The following TFDP2 variants were observed in gnomAD, a reference collection of about 807,000 sequenced individuals.
TFDP2 encodes transcription factor Dp-2, also known as transcription factor Dp-2 (E2F dimerization partner 2).
Under a neutral mutation model 59.3 loss-of-function variants are expected in TFDP2, and 17 were observed. That is an observed-to-expected ratio of 0.29 (90% CI 0.20 to 0.43). The LOEUF is 0.43. TFDP2 is among the 20% of genes least tolerant of loss of function. TFDP2 has a pLI of 1.00. For synonymous variants in TFDP2, 180 were observed against 194.7 expected, an observed-to-expected ratio of 0.92 and a Z score of 0.63; for missense variants, 391 against 528.8, an observed-to-expected ratio of 0.74 and a Z score of 2.56.
intron 3 of TFDP2, among the ~76,000 whole-genome samples, chr3:142,052,239 G>A (rs1947665986): frequency 1.3e-5 from 2 of 152,034 alleles, no homozygotes; most frequent in African/African-American, 2.4e-5. Context: ...GAAAATGTAC[G>A]AGAAAACCTT....
intron 3 of TFDP2, among the ~76,000 whole-genome samples, chr3:142,042,655 T>TTTA (rs1947059680): frequency 1.4e-5 from 2 of 147,112 alleles, no homozygotes; most frequent in African/African-American, 5.0e-5. Context: ...TTTTTTACCA[T>TTTA]TTATTAGTGC....
intron 1 of TFDP2, among the ~76,000 whole-genome samples, chr3:142,127,277 A>G (rs1295992625): frequency 1.3e-5 from 2 of 148,464 alleles, no homozygotes; most frequent in Non-Finnish European, 3.0e-5. Context: ...CTAGGACTAC[A>G]GACAGACATG....
chr3:142,140,123 T>C (rs1311440987), intron 1 of TFDP2, among the ~76,000 whole-genome samples: 2 of 152,186 alleles, frequency 1.3e-5, no homozygotes, highest in Non-Finnish European at 2.9e-5. Flanking sequence ...ATTTGATCTT[T>C]AATCACTGAT....
chr3:142,006,889 G>T, intron 3 of TFDP2, among the ~76,000 whole-genome samples: 1 of 151,980 alleles, frequency 6.6e-6, no homozygotes, highest in East Asian at 1.9e-4. Context: ...TGGTTCTCTC[G>T]TCTCAGCCTC....
At chr3:141,959,052 A>T (rs1937043405) in intron 11 of TFDP2, among the ~76,000 whole-genome samples, 1 of 149,144 alleles carries the variant, frequency 6.7e-6, no homozygotes. Context: ...TCCCAGGTTC[A>T]AGTGATTCTC....
At chr3:142,052,304 A>G (rs1247316248) in intron 3 of TFDP2, among the ~76,000 whole-genome samples, 3 of 152,094 alleles carry the variant, frequency 2.0e-5, no homozygotes, top group Non-Finnish European at 4.4e-5. Flanking sequence ...TTGGGAGGCC[A>G]AGGCGGGCAG....
intron 3 of TFDP2, among the ~76,000 whole-genome samples, chr3:142,053,956 T>C (rs2059654140): frequency 6.6e-6 from 1 of 152,164 alleles, no homozygotes; most frequent in African/African-American, 2.4e-5. Context: ...CTCACTTGAA[T>C]CACTAAAATA....
intron 3 of TFDP2, among the ~76,000 whole-genome samples, chr3:142,073,617 T>C (rs1393918785): frequency 6.6e-6 from 1 of 152,106 alleles, no homozygotes; most frequent in Non-Finnish European, 1.5e-5. Context: ...AGTCTGATTA[T>C]AAGAGGAAGA....
At chr3:142,004,865 A>C (rs1944091471) in intron 4 of TFDP2, among the ~76,000 whole-genome samples, 1 of 152,234 alleles carries the variant, frequency 6.6e-6, no homozygotes, top group Non-Finnish European at 1.5e-5. Flanking sequence ...ACAATACAAG[A>C]GAAACCTCAC....
chr3:142,076,516 T>G (rs2060463334), intron 3 of TFDP2, among the ~76,000 whole-genome samples: 1 of 151,788 alleles, frequency 6.6e-6, no homozygotes, highest in South Asian at 2.1e-4. Context: ...TAAGGCAAGA[T>G]GAAAAAAAAT....
intron 1 of TFDP2, among the ~76,000 whole-genome samples, chr3:142,102,473 C>T (rs1260878708): frequency 2.6e-5 from 4 of 152,060 alleles, no homozygotes; most frequent in East Asian, 1.9e-4. Context: ...TGCAGTAGAA[C>T]GCCAACTAAT....
At position 141,945,988 on chromosome 3, in the gene TFDP2, A is replaced by G. The variant is rs1935208200; in HGVS notation, c.*6525T>C. 6.6e-6 allele frequency: 1 copy of G among 152,002 alleles called. No individual in the cohort carries two copies. The highest frequency in any genetic ancestry group is 2.4e-5 in the African/African-American group (1 of 41,388). The allele number at this position is 152,002 out of a possible 1,614,324, so 9.4% of individuals were successfully genotyped here. A position where few individuals can be genotyped will look rare whatever the true frequency, so the allele number is the denominator to read the frequency against. ...GTTTTCTGACTTGAGAGAGGCCTAA[A>G]CCTGACACCACAGCCTCATGCTGGG... is the stretch of plus-strand genomic sequence containing the variant. On this transcript the variant is annotated 3_prime_UTR_variant, in exon 13 of 13. Transcript: ENST00000489671.
chr3:142,037,720 T>C (rs1376834865), intron 3 of TFDP2, among the ~76,000 whole-genome samples: 1 of 152,178 alleles, frequency 6.6e-6, no homozygotes, highest in East Asian at 1.9e-4. Context: ...GGGACTACAG[T>C]AAAAAACATG....
At chr3:142,088,613 CT>C (rs112767886) in intron 3 of TFDP2, among the ~76,000 whole-genome samples, 41,717 of 123,646 alleles carry the variant, frequency 0.34, 6,542 homozygotes, top group African/African-American at 0.53. Flanking sequence ...TTTTTTTTTT[CT>C]TTTTTTTTTT....
Position 142,046,643 on chromosome 3 carries a change from A to G in TFDP2, c.83-41099T>C, listed in dbSNP as rs539160473. 1.3e-3 allele frequency among the ~76,000 whole-genome samples: 204 copies of G among 152,254 alleles called. 1 individual carries two copies. The highest frequency in any genetic ancestry group is 4.5e-3 in the African/African-American group (185 of 41,554). On this transcript the variant is annotated intron_variant, in intron 3 of 12. Transcript: ENST00000489671. ...GTTGGTAAAGATCCTACTTCCTTAA[A>G]TTTGTAGGTATGAAGTAGAGAAGGG...
chr3:142,123,154 G>A lies in TFDP2; in HGVS notation c.-92-21313C>T, dbSNP rs138125728. 5.2e-3 allele frequency among the ~76,000 whole-genome samples: 793 copies of A among 152,108 alleles called. 11 individuals carry two copies. Among genetic ancestry groups the A allele is most frequent in the Admixed American group, 0.037 (559 of 15,268 alleles). On this transcript the variant is annotated intron_variant, in intron 1 of 12. Coordinates refer to ENST00000489671, the MANE Select transcript of TFDP2 (RefSeq NM_001178139.2). ...ATTTTTGTTGTTGTTGTTTTGAGAC[G>A]GAGTCTCACTCTGACCGACGCCCAG...
At chr3:141,987,727 A>T (rs1268664283) in intron 6 of TFDP2, among the ~76,000 whole-genome samples, 1 of 149,740 alleles carries the variant, frequency 6.7e-6, no homozygotes, top group Non-Finnish European at 1.5e-5. Flanking sequence ...CAGGAGTTCA[A>T]GACCAGCCTG....
chr3:142,022,418 T>C (rs995413596), intron 3 of TFDP2, among the ~76,000 whole-genome samples: 2 of 152,260 alleles, frequency 1.3e-5, no homozygotes, highest in African/African-American at 4.8e-5. Flanking sequence ...TTATTTCTTC[T>C]GTTTCTTGTT....
chr3:141,985,079 G>GA (rs984449272), intron 6 of TFDP2, among the ~76,000 whole-genome samples: 2 of 151,518 alleles, frequency 1.3e-5, no homozygotes, highest in African/African-American at 4.8e-5. Flanking sequence ...GCCTTTTCTT[G>GA]AAAAAAATAG....
Sources: gnomAD v4.1 joint callset for allele counts (sites outside exome capture counted in the v4.1 genomes callset) on GRCh38, gnomAD v4.1.1 for gene constraint, MANE v1.5 for transcripts, NCBI Gene and HGNC (gene_info 2026-07-23, HGNC 2026-07-21) for gene names.